Variants in EGFLAM observed in about 807,000 individuals in gnomAD.
EGFLAM encodes EGF like, fibronectin type III and laminin G domains.
In EGFLAM, 79 loss-of-function variants were observed where a neutral mutation model predicts 113.1. The ratio of observed to expected loss-of-function variants is 0.70; its 90% CI spans 0.58 to 0.84. The LOEUF (loss-of-function observed/expected upper bound fraction) is 0.84, where lower values mean the gene tolerates loss of function less well. Ranked by LOEUF, EGFLAM falls within the 40% of genes least tolerant of loss-of-function variation. The probability of loss-of-function intolerance (pLI) is 0.00; values close to 1 mark genes in which losing one functional copy is unlikely to be tolerated. For missense variants in EGFLAM, 1,265 were observed against 1,291.6 expected, an observed-to-expected ratio of 0.98 and a Z score of 0.32; for synonymous variants, 504 against 487.6, an observed-to-expected ratio of 1.03 and a Z score of -0.44.
chr5:38,311,509 C>G (rs566428904), intron 1 of EGFLAM, among the ~76,000 whole-genome samples: 23 of 152,280 alleles, frequency 1.5e-4, no homozygotes, highest in African/African-American at 5.5e-4. Context: ...CATGCTGTTG[C>G]AAATAACAAG....
Position 38,438,137 on chromosome 5 carries a change from A to AAT in EGFLAM, c.2284-137_2284-136insTA, listed in dbSNP as rs1384953738. ...ACTCCATCTCCAAAAAAAAAAAAAA[A>AAT]AAAGTGGAAACTGGACTTAAAAAAA... is the stretch of plus-strand genomic sequence containing the variant. On this transcript the variant is annotated intron_variant, in intron 16 of 21. Coordinates refer to ENST00000322350, the MANE Select transcript of EGFLAM (RefSeq NM_152403.4). 3.8e-6 allele frequency: 3 copies of AAT among 783,758 alleles called. No individual in the cohort carries two copies. The East Asian group carries it at 9.3e-5, about 24-fold the overall frequency. 48.6% of individuals were successfully genotyped at this position (783,758 alleles called of 1,614,324 possible).
chr5:38,374,347 G>A (rs1740309110), intron 6 of EGFLAM, among the ~76,000 whole-genome samples: 2 of 152,088 alleles, frequency 1.3e-5, no homozygotes, highest in African/African-American at 4.8e-5. Flanking sequence ...TGAGCATTCG[G>A]GGATCAGAAT....
chr5:38,328,723 G>GTTTTTTT (rs3077265), intron 1 of EGFLAM, among the ~76,000 whole-genome samples: 2 of 103,024 alleles, frequency 1.9e-5, no homozygotes, highest in Admixed American at 1.1e-4. Flanking sequence ...AGCTATACTT[G>GTTTTTTT]TTTTTTTTTT....
chr5:38,349,773 G>GCA (rs57785664), intron 3 of EGFLAM, among the ~76,000 whole-genome samples: 2,506 of 130,950 alleles, frequency 0.019, 59 homozygotes, highest in African/African-American at 0.046. Context: ...AAGTACACAC[G>GCA]CACACACACA....
At chr5:38,386,075 C>CA (rs1561060862) in intron 6 of EGFLAM, among the ~76,000 whole-genome samples, 2 of 152,200 alleles carry the variant, frequency 1.3e-5, no homozygotes, top group Non-Finnish European at 2.9e-5. Context: ...TATAATCTTA[C>CA]GGGCCTACCA....
intron 12 of EGFLAM, among the ~76,000 whole-genome samples, chr5:38,424,431 C>T (rs1024696256): frequency 3.9e-5 from 6 of 152,174 alleles, no homozygotes; most frequent in Non-Finnish European, 8.8e-5. Flanking sequence ...CTGCTCCCTA[C>T]CCCAGACAGA....
At chr5:38,440,074 A>G (rs1742484715) in intron 17 of EGFLAM, among the ~76,000 whole-genome samples, 1 of 152,168 alleles carries the variant, frequency 6.6e-6, no homozygotes, top group Non-Finnish European at 1.5e-5. Flanking sequence ...TTCAGGTTCA[A>G]TGAGAAGCAA....
chr5:38,384,092 G>C (rs1049589820), intron 6 of EGFLAM, among the ~76,000 whole-genome samples: 3 of 152,152 alleles, frequency 2.0e-5, no homozygotes, highest in Non-Finnish European at 4.4e-5. Flanking sequence ...CAGGATTGCT[G>C]TGGCTGCAGT....
chr5:38,284,222 G>T (rs1333569455), intron 1 of EGFLAM: 1 of 152,212 alleles, frequency 6.6e-6, no homozygotes, highest in Admixed American at 6.5e-5. Context: ...CTGTGGCAAG[G>T]TTCCAGAACA....
rs1048713554 is a variant in EGFLAM at position 38,418,052 on chromosome 5, C to T, written c.1495-14C>T. ...TTTAGTGAGAGTATTCATGAGTGGT[C>T]ATCTTTCTTAAAGGGCCAATACAGT... On this transcript the variant is annotated splice_polypyrimidine_tract_variant and intron_variant, in intron 11 of 21. Coordinates refer to ENST00000322350, the MANE Select transcript of EGFLAM (RefSeq NM_152403.4). The T allele has an allele frequency of 1.2e-6, 2 of 1,603,970 alleles. No individual in the cohort carries two copies. The highest frequency in any genetic ancestry group is 2.2e-5 in the South Asian group (2 of 89,870).
Position 38,412,398 on chromosome 5 carries a change from A to G in EGFLAM, c.1350-106A>G, listed in dbSNP as rs1482520294. 2.6e-6 allele frequency: 4 copies of G among 1,540,728 alleles called. No homozygotes were observed. In the Admixed American group the frequency reaches 6.9e-5, roughly 27 times the overall value. ...TATTCATAAACATGACTCTGAACAG[A>G]CTGACTCTGAAGGGAGCTGTTGACC... On this transcript the variant is annotated intron_variant, in intron 10 of 21. Transcript: ENST00000322350.
rs768833253 is a variant in EGFLAM, at chr5:38,412,635, C to T, written c.1481C>T (p.Thr494Ile). The change falls in exon 11 of 22, where the codon ACA (threonine) becomes ATA (isoleucine). Residue 494 changes from threonine to isoleucine, a missense_variant. Physicochemically the swap from Thr to Ile is moderately conservative, Grantham distance 89. Coordinates refer to ENST00000322350, the MANE Select transcript of EGFLAM (RefSeq NM_152403.4). ...LLQLNNGTPV[T>I]GQSQGQYSKI... ...CAGCTGAACAATGGCACCCCAGTGA[C>T]AGGCCAGTCTCAGGTATGTATGAGC... The T allele has an allele frequency of 1.2e-6, 2 of 1,614,056 alleles. No homozygotes were observed. Among genetic ancestry groups the T allele is most frequent in the South Asian group, 1.1e-5 (1 of 91,070 alleles).
chr5:38,258,589 C>T lies in EGFLAM; in HGVS notation c.-166C>T. ...CGCACGCCGACCTCCCGGCTGCAGT[C>T]CTACCTCTTGGAACTACCCGTGTTT... On this transcript the variant is annotated 5_prime_UTR_variant, in exon 1 of 22. Coordinates refer to ENST00000322350, the MANE Select transcript of EGFLAM (RefSeq NM_152403.4). The T allele has an allele frequency of 1.3e-6, 1 of 749,558 alleles. No individual in the cohort carries two copies. Among genetic ancestry groups the T allele is most frequent in the East Asian group, 2.8e-5 (1 of 36,336 alleles). The allele number at this position is 749,558 out of a possible 1,614,324, so 46.4% of individuals were successfully genotyped here.
At chr5:38,374,352 C>T (rs989021451) in intron 6 of EGFLAM, among the ~76,000 whole-genome samples, 2 of 152,078 alleles carry the variant, frequency 1.3e-5, no homozygotes, top group East Asian at 3.9e-4. Flanking sequence ...ATTCGGGGAT[C>T]AGAATTTTTA....
intron 3 of EGFLAM, among the ~76,000 whole-genome samples, chr5:38,340,729 G>A (rs1404892577): frequency 6.6e-6 from 1 of 152,084 alleles, no homozygotes; most frequent in Non-Finnish European, 1.5e-5. Context: ...CAGACTCAAG[G>A]GAGGGACATC....
chr5:38,433,891 A>G (rs1221461877), intron 15 of EGFLAM, among the ~76,000 whole-genome samples: 1 of 152,122 alleles, frequency 6.6e-6, no homozygotes, highest in African/African-American at 2.4e-5. Context: ...GACAGAAGGC[A>G]TTTTGGTCTA....
intron 6 of EGFLAM, among the ~76,000 whole-genome samples, chr5:38,397,021 A>C (rs1385497145): frequency 6.6e-6 from 1 of 152,176 alleles, no homozygotes; most frequent in East Asian, 1.9e-4. Flanking sequence ...GTTATGCACC[A>C]TTTGCGCTTC....
intron 15 of EGFLAM, among the ~76,000 whole-genome samples, chr5:38,433,221 C>G (rs1742242019): frequency 6.6e-6 from 1 of 152,158 alleles, no homozygotes; most frequent in African/African-American, 2.4e-5. Context: ...AGGGGCTAAC[C>G]CAGGACCTAA....
chr5:38,343,477 C>T (rs995610502), intron 3 of EGFLAM, among the ~76,000 whole-genome samples: 2 of 151,840 alleles, frequency 1.3e-5, no homozygotes, highest in Non-Finnish European at 2.9e-5. Flanking sequence ...TTTGTCCCCT[C>T]CTGGGCGTTT....
Sources: allele counts gnomAD v4.1 joint callset (sites outside exome capture counted in the v4.1 genomes callset), GRCh38; gene constraint gnomAD v4.1.1; transcripts MANE v1.5; gene names NCBI Gene and HGNC (gene_info 2026-07-23, HGNC 2026-07-21).